The following DNAJC2 variants were observed in gnomAD, a reference collection of about 807,000 sequenced individuals.
DNAJC2 encodes DnaJ heat shock protein family (Hsp40) member C2.
Under a neutral mutation model 94.0 loss-of-function variants are expected in DNAJC2, and 32 were observed. The ratio of observed to expected loss-of-function variants is 0.34; its 90% confidence interval spans 0.26 to 0.46. The LOEUF is 0.46. Among genes scored for constraint, DNAJC2 ranks in the 20% least tolerant of loss-of-function variants. The pLI, the probability that DNAJC2 is intolerant of heterozygous loss-of-function variation, is 1.00. For missense variants in DNAJC2, 550 were observed against 719.5 expected (o/e 0.76, Z 2.69); for synonymous variants, 210 against 229.7 (o/e 0.91, Z 0.77).
chr7:103,341,506 T>C (rs1418351034), intron 2 of DNAJC2, among the ~76,000 whole-genome samples: 3 of 152,228 alleles, frequency 2.0e-5, no homozygotes, highest in African/African-American at 4.8e-5. Flanking sequence ...CTCACTTCTC[T>C]GCTTCACTAA....
At chr7:103,328,271 T>C (rs1181491087) in intron 3 of DNAJC2, among the ~76,000 whole-genome samples, 2 of 151,906 alleles carry the variant, frequency 1.3e-5, no homozygotes, top group Admixed American at 6.6e-5. Flanking sequence ...CCAACGACAA[T>C]GACTCTTAAC....
intron 3 of DNAJC2, among the ~76,000 whole-genome samples, chr7:103,331,315 T>C (rs1187770980): frequency 6.6e-6 from 1 of 152,248 alleles, no homozygotes; most frequent in Non-Finnish European, 1.5e-5. Context: ...AGTCAGGGTA[T>C]TTGGGTATCT....
chr7:103,329,396 T>C (rs1818873875), intron 3 of DNAJC2: 1 of 153,308 alleles, frequency 6.5e-6, no homozygotes, highest in Admixed American at 6.5e-5. Flanking sequence ...TCAGCCTGCG[T>C]CTGTATGCTG....
intron 7 of DNAJC2, 43 bp downstream of exon 7, chr7:103,323,552 GAGA>G (rs1818537224): frequency 7.1e-7 from 1 of 1,408,734 alleles, no homozygotes; most frequent in Admixed American, 3.0e-5. Flanking sequence ...ACAAATACCA[GAGA>G]ACCAAATAAA....
intron 15 of DNAJC2, chr7:103,314,031 AAAC>A: frequency 1.0e-6 from 1 of 984,732 alleles, no homozygotes; most frequent in Non-Finnish European, 1.2e-6. Context: ...AGGAAAAACA[AAAC>A]AAAACAAAAC....
chr7:103,317,190 G>A, intron 12 of DNAJC2, 176 bp from the exon 13 acceptor site: 1 of 594,756 alleles, frequency 1.7e-6, no homozygotes, highest in Non-Finnish European at 2.9e-6. Context: ...CTTCCAGTCT[G>A]CATAGGTCTG....
Position 103,337,724 on chromosome 7 carries a change from C to T in DNAJC2, c.331+12G>A. 1 of 1,604,824 alleles carries T rather than the reference C, an allele frequency of 6.2e-7. No homozygotes were observed. The highest frequency in any genetic ancestry group is 8.5e-7 in the Non-Finnish European group (1 of 1,172,318). On this transcript the variant is annotated intron_variant, in intron 3 of 16. Transcript: ENST00000379263. ...AAGATATTTGATTATTTCAAAATAA[C>T]TAAGTACTTACGAGCTGCTTTGATC...
At chr7:103,321,563 T>G (rs1377876158) in intron 10 of DNAJC2, among the ~76,000 whole-genome samples, 2 of 151,564 alleles carry the variant, frequency 1.3e-5, no homozygotes, top group Non-Finnish European at 2.9e-5. Context: ...CAAGAAATAT[T>G]TTGGCTGGGT....
chr7:103,342,231 G>T (rs186416290), intron 1 of DNAJC2, among the ~76,000 whole-genome samples: 32 of 151,966 alleles, frequency 2.1e-4, no homozygotes, highest in African/African-American at 7.2e-4. Flanking sequence ...GTACTTTTTT[G>T]GGGATATGAG....
intron 10 of DNAJC2, 113 bp from the exon 11 acceptor site, chr7:103,319,957 C>G: frequency 9.0e-7 from 1 of 1,112,126 alleles, no homozygotes; most frequent in East Asian, 2.4e-5. Context: ...ATCGCTTGAA[C>G]CTGGAGGCGG....
At chr7:103,342,006 T>C in intron 1 of DNAJC2, 52 bp from the exon 2 acceptor site, 1 of 1,351,070 alleles carries the variant, frequency 7.4e-7, no homozygotes, top group Non-Finnish European at 9.9e-7. Flanking sequence ...GGAATAAATA[T>C]GTTTCAAGGC....
chr7:103,317,187 T>G (rs1006960398), intron 12 of DNAJC2, 173 bp from the exon 13 acceptor site: 1 of 596,020 alleles, frequency 1.7e-6, no homozygotes, highest in Non-Finnish European at 2.9e-6. Flanking sequence ...TGGCTTCCAG[T>G]CTGCATAGGT....
chr7:103,328,919 C>CT (rs1420853683), intron 3 of DNAJC2: 1 of 911,690 alleles, frequency 1.1e-6, no homozygotes, highest in South Asian at 1.5e-5. Flanking sequence ...ATTTAGGATT[C>CT]TTTCTTCTTA....
chr7:103,317,251 T>C (rs1180497041), intron 12 of DNAJC2: 3 of 455,482 alleles, frequency 6.6e-6, no homozygotes, highest in African/African-American at 2.0e-5. Flanking sequence ...CCAGTACTCA[T>C]GTCATGTGAC....
Position 103,312,574 on chromosome 7 carries a change from T to G in DNAJC2, c.1861A>C (p.Lys621Gln). 5.6e-6 allele frequency: 9 copies of G among 1,612,252 alleles called. No individual in the cohort carries two copies. The highest frequency in any genetic ancestry group is 7.6e-6 in the Non-Finnish European group (9 of 1,179,482). The change falls in exon 17 of 17, where the codon AAA becomes CAA. Residue 621 changes from lysine (K) to glutamine (Q), a missense_variant. Coordinates refer to ENST00000379263, the MANE Select transcript of DNAJC2 (RefSeq NM_014377.3). Reference protein sequence around the residue: ...EQVLNASRAKK With the variant: ...EQVLNASRAKQ ...TGCACACACAACAAAGATTGTCATT[T>G]CTTGGCTCTACTTGCATTCAGCACT... is the stretch of plus-strand genomic sequence containing the variant.
intron 3 of DNAJC2, among the ~76,000 whole-genome samples, chr7:103,332,952 T>A (rs1819033048): frequency 6.6e-6 from 1 of 152,220 alleles, no homozygotes; most frequent in South Asian, 2.1e-4. Context: ...GTTTTGAGTA[T>A]CCTGTATCTG....
At chr7:103,332,597 T>C (rs1455486985) in intron 3 of DNAJC2, among the ~76,000 whole-genome samples, 1 of 152,044 alleles carries the variant, frequency 6.6e-6, no homozygotes, top group East Asian at 1.9e-4. Flanking sequence ...AGGAGTAAAT[T>C]CTTTGGTAAC....
At position 103,335,901 on chromosome 7, in the gene DNAJC2, C is replaced by T. The variant is rs576392795; in HGVS notation, c.331+1835G>A. On this transcript the variant is annotated intron_variant, in intron 3 of 16. Transcript: ENST00000379263. ...AGTGGATTTAGGCTGGGTGCGGTGGCTCACGCCTGTAATCCCAGCATTCTG... is the reference window on the plus strand; with the variant it reads ...AGTGGATTTAGGCTGGGTGCGGTGGTTCACGCCTGTAATCCCAGCATTCTG... 1.9e-3 allele frequency: 283 copies of T among 152,428 alleles called. 2 individuals carry two copies. Among genetic ancestry groups the T allele is most frequent in the Non-Finnish European group, 2.6e-3 (176 of 68,140 alleles). 9.4% of individuals were successfully genotyped at this position (152,428 alleles called of 1,614,324 possible).
chr7:103,325,169 C>T (rs890681640), intron 5 of DNAJC2, among the ~76,000 whole-genome samples: 19 of 152,180 alleles, frequency 1.2e-4, no homozygotes, highest in African/African-American at 4.3e-4. Context: ...CGTGGCCAGG[C>T]GCGGTGGCTC....
Sources: allele counts gnomAD v4.1 joint callset (sites outside exome capture counted in the v4.1 genomes callset), GRCh38; gene constraint gnomAD v4.1.1; transcripts MANE v1.5; gene names NCBI Gene and HGNC (gene_info 2026-07-23, HGNC 2026-07-21).